Variants in SLC5A10 observed in about 807,000 individuals in gnomAD.
SLC5A10 encodes solute carrier family 5 member 10.
SLC5A10 carries 55 observed loss-of-function variants against 68.9 expected under a neutral mutation model. The ratio of observed to expected loss-of-function variants is 0.80; its 90% CI spans 0.64 to 1.00. The LOEUF is 1.00. SLC5A10 is among the 50% of genes least tolerant of loss of function. The pLI is 0.00. For synonymous variants in SLC5A10, 344 were observed against 344.8 expected (o/e 1.00, Z 0.02); for missense variants, 732 against 819.3 (o/e 0.89, Z 1.30).
At chr17:18,959,818 T>C (rs1176940755) in intron 4 of SLC5A10, among the ~76,000 whole-genome samples, 155 bp downstream of exon 4, 1 of 135,824 alleles carries the variant, frequency 7.4e-6, no homozygotes, top group East Asian at 1.9e-4. Flanking sequence ...ATCAACCTGC[T>C]AAGGTGGATC....
At chr17:18,982,290 C>T (rs1401513608) in intron 9 of SLC5A10, among the ~76,000 whole-genome samples, 2 of 152,152 alleles carry the variant, frequency 1.3e-5, no homozygotes, top group Non-Finnish European at 2.9e-5. Context: ...GCAGCAGGGC[C>T]CCCCACCTCT....
intron 9 of SLC5A10, among the ~76,000 whole-genome samples, chr17:19,009,348 C>T (rs565710090): frequency 3.3e-5 from 5 of 150,060 alleles, no homozygotes; most frequent in Non-Finnish European, 5.9e-5. Flanking sequence ...CGAACCACCA[C>T]GCTAATTTTA....
At chr17:18,988,122 G>C in intron 9 of SLC5A10, 1 of 1,415,984 alleles carries the variant, frequency 7.1e-7, no homozygotes, top group African/African-American at 1.4e-5. Context: ...GAGGCTCTAG[G>C]ATTACTGGAC....
At chr17:19,014,957 G>A (rs547526934) in intron 10 of SLC5A10, 92 bp from the exon 11 acceptor site, 138 of 1,460,392 alleles carry the variant, frequency 9.4e-5, no homozygotes, top group Middle Eastern at 2.1e-4. Context: ...TGCAAATGGC[G>A]GGCGGGCCTC....
At chr17:18,974,627 G>A (rs1222012502) in intron 8 of SLC5A10, among the ~76,000 whole-genome samples, 2 of 152,230 alleles carry the variant, frequency 1.3e-5, no homozygotes, top group Non-Finnish European at 2.9e-5. Flanking sequence ...GCAGCGTGCT[G>A]ACTCCAATGG....
chr17:18,962,112 C>G (rs555195464), intron 5 of SLC5A10, among the ~76,000 whole-genome samples: 9 of 152,312 alleles, frequency 5.9e-5, no homozygotes, highest in African/African-American at 2.2e-4. Context: ...ATGCCAGCCA[C>G]CCCCATGCCA....
upstream of SLC5A10, chr17:18,951,623 C>A (rs8068094): frequency 1.3e-5 from 2 of 152,418 alleles, no homozygotes; most frequent in African/African-American, 4.8e-5. Context: ...AAAGCAGAAA[C>A]GCTGGAAGCA....
chr17:18,979,698 AT>A, intron 9 of SLC5A10: 1 of 1,611,916 alleles, frequency 6.2e-7, no homozygotes, highest in Non-Finnish European at 8.5e-7. Context: ...AAGAGACAGA[AT>A]TACACGACTG....
chr17:18,973,890 T>C (rs1316421334), intron 8 of SLC5A10, among the ~76,000 whole-genome samples: 1 of 117,556 alleles, frequency 8.5e-6, no homozygotes, highest in African/African-American at 3.2e-5. Flanking sequence ...TTAAGTTTTT[T>C]TTTTTTTTTT....
intron 5 of SLC5A10, among the ~76,000 whole-genome samples, chr17:18,965,125 C>T (rs1377025722): frequency 6.7e-6 from 1 of 149,328 alleles, no homozygotes; most frequent in Non-Finnish European, 1.5e-5. Context: ...AGCCCCAGAT[C>T]TTCCTTGCAC....
Position 18,971,037 on chromosome 17 carries a change from G to C in SLC5A10, c.665G>C (p.Gly222Ala). 6.2e-7 allele frequency: 1 copy of C among 1,613,884 alleles called. No homozygotes were observed. The highest frequency in any genetic ancestry group is 1.3e-5 in the African/African-American group (1 of 75,026). The part of the protein sequence containing the change: ...IKAFDQIGGY[G>A]QLEAAYAQAI... The stretch of plus-strand genomic sequence containing the variant: ...GCTTTTGACCAGATCGGTGGTTACG[G>C]GCAGCTGGAGGCAGCCTACGCCCAG... The change falls in exon 8 of 15, where the codon GGG (glycine) becomes GCG (alanine). Residue 222 changes from glycine to alanine, a missense_variant. Transcript: ENST00000395645. The surrounding 1 kb of genome is among the most constrained non-coding windows in gnomAD (Gnocchi z 5.5).
chr17:18,959,809 T>C, intron 4 of SLC5A10, 146 bp downstream of exon 4: 1 of 677,596 alleles, frequency 1.5e-6, no homozygotes, highest in South Asian at 1.6e-5. Context: ...AATATTTCTA[T>C]CAACCTGCTA....
At chr17:18,970,837 A>T (rs988827946) in intron 7 of SLC5A10, 176 bp from the exon 8 acceptor site, 5 of 439,660 alleles carry the variant, frequency 1.1e-5, no homozygotes, top group African/African-American at 5.1e-5. Context: ...AATACACCTT[A>T]AAAAAAAAAA....
rs1241312003 is a variant in SLC5A10, at chr17:19,019,338, G to A, written c.1242-85G>A. The stretch of plus-strand genomic sequence containing the variant: ...CTGGGGTAGCAGGGGAAAGATTAGA[G>A]AGCAAGTCTTAGTGACCAGGGGAGG... On this transcript the variant is annotated intron_variant, in intron 11 of 14. Coordinates refer to ENST00000395645, the MANE Select transcript of SLC5A10 (RefSeq NM_001042450.4). 6.7e-6 allele frequency: 10 copies of A among 1,494,710 alleles called. No individual in the cohort carries two copies. The South Asian group carries it at 1.2e-4, about 17-fold the overall frequency. 92.6% of individuals were successfully genotyped at this position (1,494,710 alleles called of 1,614,324 possible).
intron 4 of SLC5A10, 132 bp downstream of exon 4, chr17:18,959,795 G>C (rs1333770940): frequency 1.4e-6 from 1 of 710,944 alleles, no homozygotes; most frequent in African/African-American, 2.5e-5. Flanking sequence ...CTATTAGCCC[G>C]ACTAATATTT....
In SLC5A10 at chr17:19,022,340, T is replaced by G; in HGVS notation, c.*1909T>G. 1 of 442,646 alleles carries G rather than the reference T, an allele frequency of 2.3e-6. No homozygotes were observed. The highest frequency in any genetic ancestry group is 5.7e-5 in the South Asian group (1 of 17,416). The allele number at this position is 442,646 out of a possible 1,614,324, so 27.4% of individuals were successfully genotyped here. A position where few individuals can be genotyped will look rare whatever the true frequency, so the allele number is the denominator to read the frequency against. ...TGCCCACACCCCTGCCTGTCTGCTG[T>G]GCAGATGCTGCATCTACATAGAACA... On this transcript the variant is annotated 3_prime_UTR_variant, in exon 15 of 15. Coordinates refer to ENST00000395645, the MANE Select transcript of SLC5A10 (RefSeq NM_001042450.4).
chr17:18,979,606 G>T (rs1567792093), intron 9 of SLC5A10: 1 of 1,613,546 alleles, frequency 6.2e-7, no homozygotes, highest in African/African-American at 1.3e-5. Flanking sequence ...CTGGGCCAGG[G>T]CACCCTTGAA....
At chr17:18,973,686 T>C (rs937073234) in intron 8 of SLC5A10, among the ~76,000 whole-genome samples, 2 of 152,076 alleles carry the variant, frequency 1.3e-5, no homozygotes, top group African/African-American at 4.8e-5. Context: ...TTCTGTGTGT[T>C]GAGACCATAG....
intron 9 of SLC5A10, among the ~76,000 whole-genome samples, chr17:19,001,351 T>G (rs1379702213): frequency 6.6e-6 from 1 of 152,190 alleles, no homozygotes; most frequent in African/African-American, 2.4e-5. Flanking sequence ...GATGAGGAGC[T>G]TAGTCTCTAC....
Sources: gnomAD v4.1 joint callset for allele counts (sites outside exome capture counted in the v4.1 genomes callset) on GRCh38, gnomAD v4.1.1 for gene constraint, Gnocchi (gnomAD v3.1) non-coding constraint, MANE v1.5 for transcripts, NCBI Gene and HGNC (gene_info 2026-07-23, HGNC 2026-07-21) for gene names.